PDZD9: variants seen among roughly 807,000 people sequenced by gnomAD.
PDZD9 encodes the protein PDZ domain-containing protein 9.
PDZD9 carries 13 observed loss-of-function variants against 16.3 expected under a neutral mutation model. The ratio of observed to expected loss-of-function variants is 0.80; its 90% confidence interval spans 0.52 to 1.27. The LOEUF is 1.27. Among genes scored for constraint, PDZD9 ranks in the 50% most tolerant of loss-of-function variants. The pLI, the probability that PDZD9 is intolerant of heterozygous loss-of-function variation, is 0.00. For synonymous variants in PDZD9, 120 were observed against 111.0 expected, an observed-to-expected ratio of 1.08 and a Z score of -0.51; for missense variants, 288 against 310.9, an observed-to-expected ratio of 0.93 and a Z score of 0.55.
the PDZD9 span, chr16:21,976,176 G>A: frequency 6.2e-7 from 1 of 1,613,860 alleles, no homozygotes; most frequent in East Asian, 2.2e-5. Context: ...GGTTATCAAG[G>A]CTGCCTATAA....
At chr16:21,968,244 C>T in the PDZD9 span, among the ~76,000 whole-genome samples, 4 of 152,090 alleles carry the variant, frequency 2.6e-5, no homozygotes, top group East Asian at 1.9e-4. Flanking sequence ...TCAAATGATC[C>T]GCCAGCCTTG....
the PDZD9 span, among the ~76,000 whole-genome samples, chr16:21,970,996 T>C: frequency 6.6e-6 from 1 of 152,208 alleles, no homozygotes; most frequent in South Asian, 2.1e-4. Flanking sequence ...TGTTAGCAGA[T>C]ATATTATCTG....
At chr16:21,971,116 G>A in the PDZD9 span, among the ~76,000 whole-genome samples, 4 of 152,058 alleles carry the variant, frequency 2.6e-5, no homozygotes, top group Non-Finnish European at 5.9e-5. Flanking sequence ...ACATGCTAGC[G>A]TCCATTAGGA....
chr16:21,969,402 C>T, the PDZD9 span, among the ~76,000 whole-genome samples: 1 of 152,132 alleles, frequency 6.6e-6, no homozygotes, highest in Non-Finnish European at 1.5e-5. Flanking sequence ...GGCATGGTGA[C>T]ACATGCCTGT....
the PDZD9 span, chr16:21,962,486 C>T: frequency 6.2e-7 from 1 of 1,614,132 alleles, no homozygotes; most frequent in East Asian, 2.2e-5. Flanking sequence ...GAAAACATGG[C>T]TTATACTGTG....
At chr16:21,989,196 G>A (rs2141957025) in intron 2 of PDZD9, among the ~76,000 whole-genome samples, 1 of 152,020 alleles carries the variant, frequency 6.6e-6, no homozygotes, top group Non-Finnish European at 1.5e-5. Context: ...GCCTGCCAAA[G>A]TGCTAGGATT....
chr16:21,995,106 G>T, intron 2 of PDZD9: 1 of 403,874 alleles, frequency 2.5e-6, no homozygotes, highest in Non-Finnish European at 5.0e-6. Context: ...GAGGTGACTG[G>T]ATCACAAGGG....
the PDZD9 span, among the ~76,000 whole-genome samples, chr16:21,978,545 T>C: frequency 6.6e-6 from 1 of 152,152 alleles, no homozygotes; most frequent in Non-Finnish European, 1.5e-5. Context: ...TACCCTATGC[T>C]CACAGACAAA....
chr16:21,980,248 G>T, downstream of PDZD9: 1 of 289,156 alleles, frequency 3.5e-6, no homozygotes. Context: ...GCATTAGGGA[G>T]CTCTCCAGCT....
chr16:21,970,002 A>G, the PDZD9 span, among the ~76,000 whole-genome samples: 2 of 152,010 alleles, frequency 1.3e-5, no homozygotes, highest in South Asian at 2.1e-4. Context: ...CTAAGTAGCA[A>G]TAATCTACTT....
At chr16:21,966,101 G>A in the PDZD9 span, among the ~76,000 whole-genome samples, 1 of 150,950 alleles carries the variant, frequency 6.6e-6, no homozygotes, top group African/African-American at 2.4e-5. Flanking sequence ...ATCACTTGAG[G>A]CCAGGAGTTC....
Position 21,988,810 on chromosome 16 carries a change from AT to A in PDZD9, c.212-20del. The A allele has an allele frequency of 6.4e-7, 1 of 1,573,042 alleles. No homozygotes were observed. Among genetic ancestry groups the A allele is most frequent in the Non-Finnish European group, 8.6e-7 (1 of 1,160,528 alleles). ...ACATCACCTGAAGAGGGAAAAAATT[AT>A]GTATCAGTAAAACTAGAGGTTTAAA... On this transcript the variant is annotated intron_variant, in intron 2 of 3. Coordinates refer to ENST00000424898, the MANE Select transcript of PDZD9 (RefSeq NM_001363519.1).
At chr16:21,966,730 TGA>T in the PDZD9 span, among the ~76,000 whole-genome samples, 2 of 152,230 alleles carry the variant, frequency 1.3e-5, no homozygotes, top group African/African-American at 4.8e-5. Context: ...TGGACTCTAA[TGA>T]GTTTTGAAAT....
the PDZD9 span, among the ~76,000 whole-genome samples, chr16:21,975,090 G>A: frequency 6.6e-5 from 10 of 152,180 alleles, no homozygotes; most frequent in African/African-American, 2.4e-4. Flanking sequence ...GCATTCAGAA[G>A]CCTAATAGAG....
At chr16:21,972,968 C>T in the PDZD9 span, among the ~76,000 whole-genome samples, 36 of 152,250 alleles carry the variant, frequency 2.4e-4, no homozygotes, top group African/African-American at 7.7e-4. Context: ...GGCGTGGTGG[C>T]GCACGCCTGT....
rs192619351 is a variant in PDZD9, at chr16:21,989,124, G to C, written c.212-333C>G. 3.6e-3 allele frequency among the ~76,000 whole-genome samples: 546 copies of C among 151,736 alleles called. 1 individual carries two copies. The highest frequency in any genetic ancestry group is 6.5e-3 in the Non-Finnish European group (439 of 67,906). ...TGTTTTTTTTTTTTAGTAGAGATGG[G>C]GTTTCACCATGTTGGCCAGGCTGGT... On this transcript the variant is annotated intron_variant, in intron 2 of 3. Transcript: ENST00000424898.
At chr16:21,969,680 A>C in the PDZD9 span, among the ~76,000 whole-genome samples, 3 of 152,194 alleles carry the variant, frequency 2.0e-5, no homozygotes, top group African/African-American at 7.2e-5. Context: ...TTACAGCTTA[A>C]GATATAATTT....
Position 21,996,456 on chromosome 16 carries a change from C to G in PDZD9, c.77G>C (p.Ser26Thr). 6.5e-7 allele frequency: 1 copy of G among 1,536,116 alleles called. No individual in the cohort carries two copies. Among genetic ancestry groups the G allele is most frequent in the Non-Finnish European group, 8.7e-7 (1 of 1,146,884 alleles). ...NKVKTSVHNL[S>T]KTQQTKLTVG... ...AGTGAGTTTGGTCTGCTGTGTTTTG[C>G]TCAAGTTGTGTACAGATGTTTTGAC... The change falls in exon 2 of 4, where the codon AGC becomes ACC. Residue 26 changes from serine (S) to threonine (T), a missense_variant. Coordinates refer to ENST00000424898, the MANE Select transcript of PDZD9 (RefSeq NM_001363519.1).
the PDZD9 span, chr16:21,973,856 T>A: frequency 6.3e-7 from 1 of 1,587,060 alleles, no homozygotes; most frequent in East Asian, 2.2e-5. Flanking sequence ...CCTGTTTTAC[T>A]TGGTAGAATA....
Sources: allele counts gnomAD v4.1 joint callset (sites outside exome capture counted in the v4.1 genomes callset), GRCh38; gene constraint gnomAD v4.1.1; transcripts MANE v1.5; gene names NCBI Gene and HGNC (gene_info 2026-07-23, HGNC 2026-07-21).